STMN3: variants seen among roughly 807,000 people sequenced by gnomAD.
The protein encoded by STMN3 is stathmin-3.
STMN3 carries 24 observed loss-of-function variants against 23.2 expected under a neutral mutation model. That is an observed-to-expected ratio of 1.03 (90% CI 0.75 to 1.45). The LOEUF is 1.45. Ranked by LOEUF, STMN3 falls within the 40% of genes most tolerant of loss-of-function variation. STMN3 has a pLI of 0.00. For synonymous variants in STMN3, 117 were observed against 103.4 expected, an observed-to-expected ratio of 1.13 and a Z score of -0.80; for missense variants, 235 against 237.6, an observed-to-expected ratio of 0.99 and a Z score of 0.07.
rs1555897557 is a variant in STMN3 at position 63,647,991 on chromosome 20, T to TACACACACAC, written c.20-3683_20-3682insGTGTGTGTGT. ...ATATATATATATATACATATATATATACAGAGAGAGAGAGAGTAGTGATAG... is the reference window on the plus strand; with the variant it reads ...ATATATATATATATACATATATATATACACACACACACAGAGAGAGAGAGAGTAGTGATAG... On this transcript the variant is annotated intron_variant, in intron 1 of 4. Transcript: ENST00000370053. Among the ~76,000 whole-genome samples the TACACACACAC allele has an allele frequency of 4.9e-4, 37 of 75,894 alleles. 1 individual carries two copies. Among genetic ancestry groups the TACACACACAC allele is most frequent in the African/African-American group, 1.8e-3 (37 of 20,634 alleles). 49.8% of individuals were successfully genotyped at this position (75,894 alleles called of 152,430 possible).
At position 63,653,404 on chromosome 20, in the gene STMN3, G is replaced by A; in HGVS notation, c.-59C>T. 6.6e-7 allele frequency: 1 copy of A among 1,515,654 alleles called. No homozygotes were observed. Among genetic ancestry groups the A allele is most frequent in the Non-Finnish European group, 8.8e-7 (1 of 1,130,534 alleles). 93.9% of individuals were successfully genotyped at this position (1,515,654 alleles called of 1,614,324 possible). Reference sequence around the variant, plus strand: ...AGAGGCGCAAGTGGCGGCCGGAGCTGCAGACGGCTGGTGCTGCAGTGCCGG... The same window carrying A: ...AGAGGCGCAAGTGGCGGCCGGAGCTACAGACGGCTGGTGCTGCAGTGCCGG... On this transcript the variant is annotated 5_prime_UTR_variant, in exon 1 of 5. Coordinates refer to ENST00000370053, the MANE Select transcript of STMN3 (RefSeq NM_015894.4).
intron 1 of STMN3, 55 bp downstream of exon 1, chr20:63,653,272 C>A: frequency 6.5e-7 from 1 of 1,533,304 alleles, no homozygotes; most frequent in East Asian, 2.6e-5. Flanking sequence ...CGAGGCCAGA[C>A]GAGGCCTCTG....
At chr20:63,643,202 C>T (rs1202183564) in intron 3 of STMN3, among the ~76,000 whole-genome samples, 1 of 152,226 alleles carries the variant, frequency 6.6e-6, no homozygotes, top group Non-Finnish European at 1.5e-5. Flanking sequence ...AAGGGTGCCT[C>T]CCACCCTCAC....
At chr20:63,651,468 C>T (rs76636901) in intron 1 of STMN3, among the ~76,000 whole-genome samples, 11,536 of 152,144 alleles carry the variant, frequency 0.076, 582 homozygotes, top group South Asian at 0.22. Context: ...AGGCTGCTGC[C>T]GGCTCCCCCC....
Position 63,647,991 on chromosome 20 carries a change from T to TATATATATAC in STMN3, c.20-3683_20-3682insGTATATATAT, listed in dbSNP as rs1288050001. ...ATATATATATATATACATATATATA[T>TATATATATAC]ACAGAGAGAGAGAGAGTAGTGATAG... On this transcript the variant is annotated intron_variant, in intron 1 of 4. Transcript: ENST00000370053. 2.0e-3 allele frequency among the ~76,000 whole-genome samples: 152 copies of TATATATATAC among 75,848 alleles called. 15 individuals are homozygous for TATATATATAC. The highest frequency in any genetic ancestry group is 3.0e-3 in the Non-Finnish European group (112 of 36,874). 49.8% of individuals were successfully genotyped at this position (75,848 alleles called of 152,430 possible).
intron 1 of STMN3, among the ~76,000 whole-genome samples, chr20:63,645,144 G>A (rs7266549): frequency 1.3e-3 from 203 of 152,046 alleles, no homozygotes; most frequent in African/African-American, 4.7e-3. Context: ...CCTCTGTCCC[G>A]CTACTTCTCT....
intron 1 of STMN3, among the ~76,000 whole-genome samples, chr20:63,653,110 C>G (rs1475202732): frequency 6.6e-6 from 1 of 151,406 alleles, no homozygotes; most frequent in Non-Finnish European, 1.5e-5. Context: ...CGTCCCGGTC[C>G]CGAGCGCTCC....
chr20:63,651,962 G>A (rs2089862598), intron 1 of STMN3, among the ~76,000 whole-genome samples: 1 of 152,196 alleles, frequency 6.6e-6, no homozygotes, highest in Non-Finnish European at 1.5e-5. Flanking sequence ...GCCCTGGAGA[G>A]GACGGCGCTG....
At position 63,641,359 on chromosome 20, in the gene STMN3, C is replaced by T; in HGVS notation, c.522G>A (p.Gln174=). Residue 174 remains glutamine (Q), a synonymous_variant, in exon 5 of 5, where the codon CAG becomes CAA. Transcript: ENST00000370053. ...HAAEVRRNKE[Q]REEMSG ...GCCCTTAGCCCGACATCTCTTCTCG[C>T]TGCTCCTTGTTCCTGCGCACCTCGG... The T allele has an allele frequency of 6.4e-7, 1 of 1,570,634 alleles. No homozygotes were observed. Among genetic ancestry groups the T allele is most frequent in the Non-Finnish European group, 8.6e-7 (1 of 1,158,698 alleles).
chr20:63,648,608 T>C (rs1274594867), intron 1 of STMN3, among the ~76,000 whole-genome samples: 1 of 152,052 alleles, frequency 6.6e-6, no homozygotes, highest in East Asian at 1.9e-4. Context: ...TGGTGGCACA[T>C]GCCTGTTGCC....
chr20:63,641,235 T>C lies in STMN3; in HGVS notation c.*103A>G, dbSNP rs1361068801. 1.0e-6 allele frequency: 1 copy of C among 961,692 alleles called. No homozygotes were observed. The highest frequency in any genetic ancestry group is 1.6e-6 in the Non-Finnish European group (1 of 625,820). 59.6% of individuals were successfully genotyped at this position (961,692 alleles called of 1,614,324 possible). ...AGAAGCATGAAGCTGGGGGCGGGGG[T>C]GGGGGAGGAGGAACAAAAGTTGCAT... On this transcript the variant is annotated 3_prime_UTR_variant, in exon 5 of 5. Coordinates refer to ENST00000370053, the MANE Select transcript of STMN3 (RefSeq NM_015894.4).
chr20:63,641,528 T>C (rs1475623903), intron 4 of STMN3, 131 bp from the exon 5 acceptor site: 7 of 681,270 alleles, frequency 1.0e-5, no homozygotes, highest in Non-Finnish European at 1.7e-5. Flanking sequence ...GGCAGGACCC[T>C]GACTGAGTTG....
rs1463452590 is a variant in STMN3 at position 63,640,755 on chromosome 20, G to C, written c.*583C>G. 1.6e-5 allele frequency: 3 copies of C among 189,748 alleles called. No individual in the cohort carries two copies. The highest frequency in any genetic ancestry group is 5.4e-5 in the Admixed American group (1 of 18,512). The allele number at this position is 189,748 out of a possible 1,614,324, so 11.8% of individuals were successfully genotyped here. A position where few individuals can be genotyped will look rare whatever the true frequency, so the allele number is the denominator to read the frequency against. On this transcript the variant is annotated 3_prime_UTR_variant, in exon 5 of 5. Coordinates refer to ENST00000370053, the MANE Select transcript of STMN3 (RefSeq NM_015894.4). Reference sequence around the variant, plus strand: ...GGCCCAGGGTGTCCACCTCACGCCAGGTGGTCTCAGAGGACCCCTGTGCAA... The same window carrying C: ...GGCCCAGGGTGTCCACCTCACGCCACGTGGTCTCAGAGGACCCCTGTGCAA...
chr20:63,647,860 G>T (rs1231264838), intron 1 of STMN3, among the ~76,000 whole-genome samples: 1 of 110,288 alleles, frequency 9.1e-6, no homozygotes, highest in East Asian at 2.2e-4. Context: ...ATATATATAC[G>T]TATATATACA....
chr20:63,642,194 C>A lies in STMN3; in HGVS notation c.397G>T (p.Glu133Ter). ...TCCATCTTGTAGTTGAGCTTCTCCT[C>A]CGCCTGGCGGCTGAAGTTGTTATTC... Reference protein sequence around the residue: ...EENNNFSRQAEEKLNYKMELS... With the variant: ...EENNNFSRQA The change falls in exon 4 of 5, where the codon GAG (glutamate) becomes TAG (stop). Residue 133 changes from glutamate to a stop codon, truncating the protein, a stop_gained. Transcript: ENST00000370053. LOFTEE classifies it high-confidence loss of function. 6.4e-7 allele frequency: 1 copy of A among 1,563,976 alleles called. No homozygotes were observed. The highest frequency in any genetic ancestry group is 8.6e-7 in the Non-Finnish European group (1 of 1,157,454).
intron 3 of STMN3, among the ~76,000 whole-genome samples, chr20:63,642,722 T>A (rs1354533127): frequency 6.6e-6 from 1 of 152,306 alleles, no homozygotes; most frequent in East Asian, 1.9e-4. Context: ...AGTAGCTGCT[T>A]GTTACACACC....
At position 63,639,918 on chromosome 20, in the gene STMN3, G is replaced by A. The variant is rs1210146129; in HGVS notation, c.*1420C>T. The A allele has an allele frequency of 1.3e-5, 2 of 152,396 alleles. No homozygotes were observed. The highest frequency in any genetic ancestry group is 2.9e-5 in the Non-Finnish European group (2 of 68,056). The allele number at this position is 152,396 out of a possible 1,614,324, so 9.4% of individuals were successfully genotyped here. A position where few individuals can be genotyped will look rare whatever the true frequency, so the allele number is the denominator to read the frequency against. ...CAGCCTTGGGTTCCCATCCCAGCTG[G>A]CTGCTCCTTCTGGGGCTGTCTTGGT... is the stretch of plus-strand genomic sequence containing the variant. On this transcript the variant is annotated 3_prime_UTR_variant, in exon 5 of 5. Transcript: ENST00000370053.
intron 1 of STMN3, among the ~76,000 whole-genome samples, chr20:63,649,525 T>C (rs183097588): frequency 6.6e-6 from 1 of 151,998 alleles, no homozygotes; most frequent in South Asian, 2.1e-4. Flanking sequence ...TTGCTCCCTC[T>C]CTCTCTCTCT....
rs1395964011 is a variant in STMN3, at chr20:63,639,888, G to GA, written c.*1449_*1450insT. On this transcript the variant is annotated 3_prime_UTR_variant, in exon 5 of 5. Coordinates refer to ENST00000370053, the MANE Select transcript of STMN3 (RefSeq NM_015894.4). The stretch of plus-strand genomic sequence containing the variant: ...TTTCTGAGTCCCACAAAAGCCAGAT[G>GA]TGGACAGCCTTGGGTTCCCATCCCA... 6.6e-6 allele frequency: 1 copy of GA among 152,334 alleles called. No homozygotes were observed. Among genetic ancestry groups the GA allele is most frequent in the East Asian group, 1.9e-4 (1 of 5,322 alleles). The allele number at this position is 152,334 out of a possible 1,614,324, so 9.4% of individuals were successfully genotyped here. A position where few individuals can be genotyped will look rare whatever the true frequency, so the allele number is the denominator to read the frequency against.
Sources: allele counts gnomAD v4.1 joint callset (sites outside exome capture counted in the v4.1 genomes callset), GRCh38; gene constraint gnomAD v4.1.1; transcripts MANE v1.5; gene names NCBI Gene and HGNC (gene_info 2026-07-23, HGNC 2026-07-21).